The following CALN1 variants were observed in gnomAD, a reference collection of about 807,000 sequenced individuals.
CALN1 encodes the protein calcium-binding protein 8.
In CALN1, 17 loss-of-function variants were observed where a neutral mutation model predicts 30.6. The ratio of observed to expected loss-of-function variants is 0.56; its 90% CI spans 0.38 to 0.83. The LOEUF (loss-of-function observed/expected upper bound fraction) is 0.83, where lower values mean the gene tolerates loss of function less well. CALN1 is among the 40% of genes least tolerant of loss of function. The probability of loss-of-function intolerance (pLI) is 0.00; values close to 1 mark genes in which losing one functional copy is unlikely to be tolerated. For synonymous variants in CALN1, 156 were observed against 131.4 expected (o/e 1.19, Z -1.28); for missense variants, 291 against 354.9 (o/e 0.82, Z 1.45).
intron 4 of CALN1, among the ~76,000 whole-genome samples, chr7:72,073,439 A>T (rs1036593821): frequency 6.6e-6 from 1 of 152,216 alleles, no homozygotes; most frequent in Non-Finnish European, 1.5e-5. Flanking sequence ...CAAATGGAAA[A>T]CAAAAACAGT....
At chr7:71,807,484 G>C (rs62459041) in intron 6 of CALN1, among the ~76,000 whole-genome samples, 1 of 152,030 alleles carries the variant, frequency 6.6e-6, no homozygotes, top group African/African-American at 2.4e-5. Context: ...TTGTGTCTGG[G>C]GGACAAACAA....
At chr7:72,044,449 T>TAC (rs1802332465) in intron 4 of CALN1, among the ~76,000 whole-genome samples, 1 of 151,912 alleles carries the variant, frequency 6.6e-6, no homozygotes, top group Admixed American at 6.6e-5. Context: ...ACTTCTCCTA[T>TAC]ACACACACCT....
At chr7:72,107,309 G>A (rs1173353010) in intron 3 of CALN1, among the ~76,000 whole-genome samples, 2 of 152,202 alleles carry the variant, frequency 1.3e-5, no homozygotes, top group African/African-American at 4.8e-5. Flanking sequence ...CAGCCTCATA[G>A]GAGGAGAAGA....
chr7:72,055,307 G>A (rs1803183266), intron 4 of CALN1, among the ~76,000 whole-genome samples: 1 of 151,868 alleles, frequency 6.6e-6, no homozygotes, highest in African/African-American at 2.4e-5. Context: ...TAACCAAGCT[G>A]GTAAAGATTA....
rs1033145089 is a variant in CALN1, at chr7:71,948,008, C to T, written c.501+75649G>A. Among the ~76,000 whole-genome samples the T allele has an allele frequency of 7.2e-5, 11 of 151,746 alleles. 1 individual carries two copies. Among genetic ancestry groups the T allele is most frequent in the Non-Finnish European group, 1.5e-5 (1 of 67,976 alleles). ...CAGGGAGGCAGGTATGTAGGAAGAT[C>T]CACAGAGGGGCAGTGCATTTTTGGG... On this transcript the variant is annotated intron_variant, in intron 5 of 6. Transcript: ENST00000395275.
rs190805757 is a variant in CALN1, at chr7:71,991,887, C to G, written c.501+31770G>C. The stretch of plus-strand genomic sequence containing the variant: ...TAATGAGTTGTAAAAATAAGTAATT[C>G]AAAATCTAAGCTGTTGGAACTTTAA... On this transcript the variant is annotated intron_variant, in intron 5 of 6. Coordinates refer to ENST00000395275, the MANE Select transcript of CALN1 (RefSeq NM_031468.4). 8.3e-4 allele frequency among the ~76,000 whole-genome samples: 127 copies of G among 152,252 alleles called. 2 individuals are homozygous for G. In the East Asian group the frequency reaches 0.023, roughly 27 times the overall value.
intron 2 of CALN1, among the ~76,000 whole-genome samples, chr7:72,386,526 T>C (rs925689448): frequency 1.3e-5 from 2 of 152,194 alleles, no homozygotes; most frequent in African/African-American, 4.8e-5. Context: ...TGGTGGATGG[T>C]AGGAGCCAGA....
intron 2 of CALN1, among the ~76,000 whole-genome samples, chr7:72,397,714 T>TCACTCACA (rs1554400010): frequency 2.1e-5 from 3 of 142,912 alleles, no homozygotes; most frequent in East Asian, 2.1e-4. Context: ...CCATTCTCTC[T>TCACTCACA]CACACACACA....
At chr7:72,044,658 C>A (rs1376555674) in intron 4 of CALN1, among the ~76,000 whole-genome samples, 1 of 131,812 alleles carries the variant, frequency 7.6e-6, no homozygotes, top group Non-Finnish European at 1.5e-5. Context: ...GTCACCCAGG[C>A]TAGAATGCAG....
chr7:72,170,632 C>A (rs1788876431), intron 3 of CALN1, among the ~76,000 whole-genome samples: 1 of 152,182 alleles, frequency 6.6e-6, no homozygotes, highest in African/African-American at 2.4e-5. Context: ...ATCCTAAGCT[C>A]CAAGATGGGG....
At chr7:72,158,036 C>T (rs1787833636) in intron 3 of CALN1, among the ~76,000 whole-genome samples, 1 of 152,130 alleles carries the variant, frequency 6.6e-6, no homozygotes, top group Non-Finnish European at 1.5e-5. Flanking sequence ...TGAGCCACTG[C>T]GCCCAGCCCA....
chr7:72,401,267 A>C (rs1479642998), intron 2 of CALN1, among the ~76,000 whole-genome samples: 1 of 152,106 alleles, frequency 6.6e-6, no homozygotes, highest in African/African-American at 2.4e-5. Flanking sequence ...TGCTGAACCT[A>C]AGGGGAGAAC....
At chr7:72,377,390 T>C (rs912324182) in intron 2 of CALN1, among the ~76,000 whole-genome samples, 3 of 152,026 alleles carry the variant, frequency 2.0e-5, no homozygotes, top group Non-Finnish European at 4.4e-5. Context: ...AAGGGTAATT[T>C]CTGTTGATTG....
intron 5 of CALN1, among the ~76,000 whole-genome samples, chr7:71,923,048 C>T (rs921697399): frequency 2.6e-5 from 4 of 151,394 alleles, no homozygotes; most frequent in African/African-American, 9.7e-5. Context: ...CTATACTATA[C>T]AGCCAGCACA....
chr7:72,167,021 A>G (rs1788573514), intron 3 of CALN1, among the ~76,000 whole-genome samples: 1 of 152,170 alleles, frequency 6.6e-6, no homozygotes, highest in African/African-American at 2.4e-5. Context: ...GCGACAGAGC[A>G]AGACCCTGTC....
intron 5 of CALN1, among the ~76,000 whole-genome samples, chr7:71,817,526 ATTTT>A (rs564487464): frequency 1.3e-5 from 2 of 152,076 alleles, no homozygotes; most frequent in African/African-American, 4.8e-5. Flanking sequence ...TCATTTATTT[ATTTT>A]TTTGAGACGG....
intron 2 of CALN1, among the ~76,000 whole-genome samples, chr7:72,345,559 G>A (rs1802603551): frequency 6.7e-6 from 1 of 148,254 alleles, no homozygotes; most frequent in Non-Finnish European, 1.5e-5. Flanking sequence ...AAAGAAGAAA[G>A]GGAGGGAGGG....
chr7:72,326,045 G>A lies in CALN1; in HGVS notation c.120-47235C>T, dbSNP rs558166101. 9.9e-5 allele frequency among the ~76,000 whole-genome samples: 15 copies of A among 152,214 alleles called. No homozygotes were observed. In the South Asian group the frequency reaches 1.2e-3, roughly 13 times the overall value. ...AGCCTTCTGAGTGGCCAGGATTACCGGTGCCCGCCACCACGCCTGGCTAAA... is the reference window on the plus strand; with the variant it reads ...AGCCTTCTGAGTGGCCAGGATTACCAGTGCCCGCCACCACGCCTGGCTAAA... On this transcript the variant is annotated intron_variant, in intron 2 of 6. Transcript: ENST00000395275.
In CALN1 at chr7:71,781,745, C is replaced by G. The variant is rs1213575301; in HGVS notation, c.*6030G>C. The G allele has an allele frequency of 6.6e-6, 1 of 152,196 alleles. No homozygotes were observed. Among genetic ancestry groups the G allele is most frequent in the South Asian group, 2.1e-4 (1 of 4,828 alleles). The allele number at this position is 152,196 out of a possible 1,614,324, so 9.4% of individuals were successfully genotyped here. A position where few individuals can be genotyped will look rare whatever the true frequency, so the allele number is the denominator to read the frequency against. On this transcript the variant is annotated 3_prime_UTR_variant, in exon 7 of 7. Transcript: ENST00000395275. Reference sequence around the variant, plus strand: ...CGAGAAACACTAGTTTGAAAGCCAACCCATCACACCTGAGGAAAAGAGATG... The same window carrying G: ...CGAGAAACACTAGTTTGAAAGCCAAGCCATCACACCTGAGGAAAAGAGATG...
Sources: allele counts gnomAD v4.1 joint callset (sites outside exome capture counted in the v4.1 genomes callset), GRCh38; gene constraint gnomAD v4.1.1; transcripts MANE v1.5; gene names NCBI Gene and HGNC (gene_info 2026-07-23, HGNC 2026-07-21).